C12orf42: variants seen among roughly 807,000 people sequenced by gnomAD.
The protein encoded by C12orf42 is chromosome 12 open reading frame 42, also known as uncharacterized protein C12orf42.
In C12orf42, 25 loss-of-function variants were observed where a neutral mutation model predicts 21.6. That is an observed-to-expected ratio of 1.16 (90% CI 0.84 to 1.62). The LOEUF is 1.62. Among genes scored for constraint, C12orf42 ranks in the 40% most tolerant of loss-of-function variants. C12orf42 has a pLI of 0.00. For missense variants in C12orf42, 483 were observed against 459.3 expected (o/e 1.05, Z -0.47); for synonymous variants, 174 against 175.0 (o/e 0.99, Z 0.05).
chr12:103,188,447 A>G, the C12orf42 span, among the ~76,000 whole-genome samples: 1 of 151,998 alleles, frequency 6.6e-6, no homozygotes, highest in East Asian at 1.9e-4. Flanking sequence ...TTTATTGGTG[A>G]TGTGATGTGA....
the C12orf42 span, among the ~76,000 whole-genome samples, chr12:103,207,194 A>G: frequency 6.6e-6 from 1 of 152,242 alleles, no homozygotes; most frequent in Non-Finnish European, 1.5e-5. Flanking sequence ...CAAATGGCAG[A>G]GAGCACAGCT....
the C12orf42 span, among the ~76,000 whole-genome samples, chr12:103,507,163 TA>T: frequency 2.3e-4 from 6 of 26,148 alleles, no homozygotes; most frequent in Non-Finnish European, 2.0e-4. Context: ...TATATATATA[TA>T]ATATATATTT....
the C12orf42 span, among the ~76,000 whole-genome samples, chr12:103,192,113 TAGTA>T: frequency 6.9e-4 from 105 of 151,856 alleles, no homozygotes; most frequent in Non-Finnish European, 1.0e-3. Flanking sequence ...AAAATAACAA[TAGTA>T]AGTAGCTATT....
At chr12:103,402,787 A>C (rs530674598) in intron 2 of C12orf42, among the ~76,000 whole-genome samples, 104 of 152,328 alleles carry the variant, frequency 6.8e-4, no homozygotes, top group Non-Finnish European at 1.2e-3. Context: ...CTTTGAGATC[A>C]AAGTACCATG....
chr12:103,391,755 T>C (rs1333409040), intron 3 of C12orf42, among the ~76,000 whole-genome samples: 1 of 151,804 alleles, frequency 6.6e-6, no homozygotes, highest in African/African-American at 2.4e-5. Flanking sequence ...GATTTACAAC[T>C]ATTTTCTCCC....
intron 2 of C12orf42, among the ~76,000 whole-genome samples, chr12:103,461,448 GAAAAA>G (rs928007154): frequency 6.6e-6 from 1 of 150,596 alleles, no homozygotes; most frequent in Non-Finnish European, 1.5e-5. Context: ...TTTCTGATGA[GAAAAA>G]AAAATGTACA....
At chr12:103,314,721 T>C (rs114158289) in intron 4 of C12orf42, among the ~76,000 whole-genome samples, 1,559 of 152,120 alleles carry the variant, frequency 0.01, 16 homozygotes, top group African/African-American at 0.036. Flanking sequence ...CATATTAGGG[T>C]CTTGTTCTAG....
At chr12:103,351,669 AC>A in intron 4 of C12orf42, among the ~76,000 whole-genome samples, 1 of 152,076 alleles carries the variant, frequency 6.6e-6, no homozygotes, top group Non-Finnish European at 1.5e-5. Flanking sequence ...GTCGGGTAGA[AC>A]ATATGCACAC....
intron 4 of C12orf42, among the ~76,000 whole-genome samples, chr12:103,289,927 T>C (rs1242020907): frequency 1.3e-5 from 2 of 152,216 alleles, no homozygotes; most frequent in East Asian, 1.9e-4. Context: ...TTGTAAACAA[T>C]GAGAAAACTA....
At chr12:103,552,933 C>A in the C12orf42 span, among the ~76,000 whole-genome samples, 6,881 of 151,922 alleles carry the variant, frequency 0.045, 215 homozygotes, top group East Asian at 0.12. Flanking sequence ...CCTTATAAAA[C>A]CATCAGATCT....
At chr12:103,520,294 C>A in the C12orf42 span, among the ~76,000 whole-genome samples, 2 of 152,172 alleles carry the variant, frequency 1.3e-5, no homozygotes, top group African/African-American at 4.8e-5. Context: ...GTGTTGAGAT[C>A]ATCAGCCTGG....
chr12:103,431,548 T>C (rs1463650650), intron 2 of C12orf42, among the ~76,000 whole-genome samples: 6 of 152,144 alleles, frequency 3.9e-5, no homozygotes, highest in Admixed American at 2.6e-4. Flanking sequence ...TTCCTCATAG[T>C]TAAAAGGGGA....
intron 3 of C12orf42, among the ~76,000 whole-genome samples, chr12:103,384,976 AGCTAGAGGGTTGGG>A (rs1317106379): frequency 3.9e-5 from 6 of 152,158 alleles, no homozygotes; most frequent in African/African-American, 1.4e-4. Context: ...TCATCTGGGA[AGCTAGAGGGTTGGG>A]GTACATCTTT....
intron 3 of C12orf42, among the ~76,000 whole-genome samples, chr12:103,383,841 C>T (rs2046375053): frequency 6.6e-6 from 1 of 152,176 alleles, no homozygotes; most frequent in Admixed American, 6.5e-5. Flanking sequence ...CAATAAGGTG[C>T]CTAGTCCAGA....
At chr12:103,355,811 C>T (rs903975090) in intron 4 of C12orf42, among the ~76,000 whole-genome samples, 5 of 152,044 alleles carry the variant, frequency 3.3e-5, no homozygotes, top group Admixed American at 6.6e-5. Flanking sequence ...TCTTAATTGT[C>T]CTCCCTTAGT....
downstream of C12orf42, among the ~76,000 whole-genome samples, chr12:103,233,522 T>C (rs1294681700): frequency 6.6e-6 from 1 of 152,214 alleles, no homozygotes; most frequent in Non-Finnish European, 1.5e-5. Context: ...GTTTTTCTCA[T>C]AAAGAATTTG....
intron 3 of C12orf42, among the ~76,000 whole-genome samples, chr12:103,384,863 T>C (rs2138292866): frequency 6.6e-6 from 1 of 152,260 alleles, no homozygotes; most frequent in South Asian, 2.1e-4. Flanking sequence ...AGTTCAGACA[T>C]AAAAATTAGG....
chr12:103,502,897 T>C, the C12orf42 span, among the ~76,000 whole-genome samples: 2 of 152,222 alleles, frequency 1.3e-5, no homozygotes, highest in Admixed American at 6.5e-5. Context: ...GTTTTGTTCC[T>C]CATGAGTTTT....
At chr12:103,116,291 G>A in the C12orf42 span, among the ~76,000 whole-genome samples, 3 of 151,216 alleles carry the variant, frequency 2.0e-5, no homozygotes, top group Non-Finnish European at 2.9e-5. Flanking sequence ...TTGAACCTGG[G>A]AGGCAGAGGA....
Sources: gnomAD v4.1 joint callset for allele counts (sites outside exome capture counted in the v4.1 genomes callset) on GRCh38, gnomAD v4.1.1 for gene constraint, MANE v1.5 for transcripts, NCBI Gene and HGNC (gene_info 2026-07-23, HGNC 2026-07-21) for gene names.